The following KDM5C variants were observed in gnomAD, a reference collection of about 807,000 sequenced individuals.
The protein encoded by KDM5C is lysine demethylase 5C.
A neutral mutation model predicts 110.6 loss-of-function variants in KDM5C; 16 were observed. That is an observed-to-expected ratio of 0.14 (90% CI 0.10 to 0.22). KDM5C has a LOEUF of 0.22. Ranked by LOEUF, KDM5C falls within the 10% of genes least tolerant of loss-of-function variation. The probability of loss-of-function intolerance (pLI) is 1.00; values close to 1 mark genes in which losing one functional copy is unlikely to be tolerated. For missense variants in KDM5C, 681 were observed against 1,300.9 expected (o/e 0.52, Z 7.33); for synonymous variants, 511 against 520.4 (o/e 0.98, Z 0.24).
At chrX:53,217,076 T>C in intron 5 of KDM5C, 67 bp downstream of exon 5, 2 of 1,128,355 alleles carry the variant, frequency 1.8e-6, no homozygotes, top group East Asian at 3.2e-5. Context: ...AACACAGCCT[T>C]AGCCAGAAGG....
chrX:53,206,201 C>T (rs1172818736), intron 12 of KDM5C, among the ~76,000 whole-genome samples: 1 of 112,288 alleles, frequency 8.9e-6, no homozygotes, highest in Non-Finnish European at 1.9e-5. Flanking sequence ...CAAAAACATG[C>T]TAAGTGAGAG....
chrX:53,192,110 T>A (rs1383840385), downstream of KDM5C: 2 of 174,541 alleles, frequency 1.1e-5, no homozygotes, highest in Admixed American at 1.6e-4. Context: ...TGACTGGTGA[T>A]GGAAGCACTG....
chrX:53,206,757 G>A (rs959056128), intron 12 of KDM5C, among the ~76,000 whole-genome samples: 11 of 103,008 alleles, frequency 1.1e-4, no homozygotes, highest in Non-Finnish European at 1.8e-4. Flanking sequence ...TCAGCTACTC[G>A]GGAGGCTAAG....
rs1556831620 is a variant in KDM5C, at chrX:53,192,755, G to A, written c.*212C>T. The A allele has an allele frequency of 4.3e-6, 5 of 1,159,130 alleles. No individual in the cohort carries two copies. The highest frequency in any genetic ancestry group is 3.8e-5 in the South Asian group (2 of 52,012). ...ATGCTGGTTAGAGGCTACCAGGGAGGGAAGACTCCAGGGGCCGGCCCCCAG... is the reference window on the plus strand; with the variant it reads ...ATGCTGGTTAGAGGCTACCAGGGAGAGAAGACTCCAGGGGCCGGCCCCCAG... On this transcript the variant is annotated 3_prime_UTR_variant, in exon 26 of 26. Coordinates refer to ENST00000375401, the MANE Select transcript of KDM5C (RefSeq NM_004187.5).
Position 53,201,646 on chromosome X carries a change from T to C in KDM5C, c.1965A>G (p.Pro655=). ...CCGCCAGGTTCAGGTCTAGCTTCTC[T>C]GGGCAGGCAGCCATCTTGCAGATAA... ...EELICKMAAC[P]EKLDLNLAAA... Residue 655 remains proline, a synonymous_variant, in exon 14 of 26, where the codon CCA becomes CCG. Coordinates refer to ENST00000375401, the MANE Select transcript of KDM5C (RefSeq NM_004187.5). The C allele has an allele frequency of 8.2e-7, 1 of 1,212,150 alleles. No individual in the cohort carries two copies. Among genetic ancestry groups the C allele is most frequent in the Non-Finnish European group, 1.1e-6 (1 of 895,545 alleles).
intron 1 of KDM5C, among the ~76,000 whole-genome samples, chrX:53,223,132 G>A (rs115484958): frequency 0.062 from 6,901 of 111,533 alleles, 505 homozygotes; most frequent in African/African-American, 0.22. Flanking sequence ...CCCAAAGCAG[G>A]GTAACAACAC....
Position 53,194,655 on chromosome X carries a change from T to C in KDM5C, c.3522A>G (p.Pro1174=), listed in dbSNP as rs1208462225. Reference sequence around the variant, plus strand: ...AGGAGGCCGTGCTCGATGATGCCAGTGGACTGGGCTTGGCCGAATTGGTGC... The same window carrying C: ...AGGAGGCCGTGCTCGATGATGCCAGCGGACTGGGCTTGGCCGAATTGGTGC... ...LRRTNSAKPS[P]LASSSTASST... Residue 1174 remains proline (P), a synonymous_variant, in exon 23 of 26, where the codon CCA becomes CCG. Coordinates refer to ENST00000375401, the MANE Select transcript of KDM5C (RefSeq NM_004187.5). The C allele has an allele frequency of 7.4e-6, 9 of 1,210,273 alleles. No homozygotes were observed. The highest frequency in any genetic ancestry group is 1.0e-5 in the Non-Finnish European group (9 of 895,174).
rs1328824053 is a variant in KDM5C, at chrX:53,179,758, CA to C, written c.4309-3137del. ...ACCACCACATACCTATTAGTATGGCCAAAATCCAGGACACCGACAATACCAA... is the reference window on the plus strand; with the variant it reads ...ACCACCACATACCTATTAGTATGGCCAAATCCAGGACACCGACAATACCAA... On this transcript the variant is annotated intron_variant, in intron 25 of 25. Transcript: ENST00000685641. Among the ~76,000 whole-genome samples the C allele has an allele frequency of 1.8e-5, 2 of 111,911 alleles. 1 individual carries two copies. Among genetic ancestry groups the C allele is most frequent in the Middle Eastern group, 8.4e-3 (2 of 239 alleles).
chrX:53,187,923 T>C (rs1934274122), downstream of KDM5C, among the ~76,000 whole-genome samples: 2 of 109,439 alleles, frequency 1.8e-5, no homozygotes, highest in East Asian at 5.7e-4. Flanking sequence ...TTTGTATTTT[T>C]AGTAGAGACG....
chrX:53,212,152 T>C, intron 8 of KDM5C, among the ~76,000 whole-genome samples: 1 of 111,722 alleles, frequency 9.0e-6, no homozygotes, highest in Non-Finnish European at 1.9e-5. Context: ...CTTTCTTTCA[T>C]TGGTTCCTCA....
rs782162358 is a variant in KDM5C at position 53,198,721 on chromosome X, T to C, written c.2368+43A>G. ...GGGTCAGAGTACAGAAGAAAGGGAA[T>C]AGAACTTGCCTGTGGAGTCCCTCCA... On this transcript the variant is annotated intron_variant, in intron 16 of 25. Transcript: ENST00000375401. The C allele has an allele frequency of 2.1e-5, 25 of 1,211,449 alleles. No individual in the cohort carries two copies. In the South Asian group the frequency reaches 3.3e-4, roughly 16 times the overall value.
chrX:53,198,653 G>A lies in KDM5C; in HGVS notation c.2369-16C>T. On this transcript the variant is annotated splice_polypyrimidine_tract_variant and intron_variant, in intron 16 of 25. Coordinates refer to ENST00000375401, the MANE Select transcript of KDM5C (RefSeq NM_004187.5). ...TCTTCAAGGCCTGGAAGAAAAATGA[G>A]GGCAGCAAAGAGTAGGCAGTATTGA... The A allele has an allele frequency of 8.3e-7, 1 of 1,211,963 alleles. No homozygotes were observed. Among genetic ancestry groups the A allele is most frequent in the Non-Finnish European group, 1.1e-6 (1 of 895,521 alleles).
intron 25 of KDM5C, among the ~76,000 whole-genome samples, chrX:53,186,309 C>T (rs1556828155): frequency 1.8e-5 from 2 of 111,451 alleles, no homozygotes; most frequent in Non-Finnish European, 3.8e-5. Context: ...GTGGCAATAT[C>T]GTGACAACAG....
intron 20 of KDM5C, 123 bp downstream of exon 20, chrX:53,195,793 G>T: frequency 2.7e-6 from 2 of 737,975 alleles, no homozygotes; most frequent in Non-Finnish European, 4.0e-6. Flanking sequence ...CTGACTACAT[G>T]CCATGCCCCC....
chrX:53,199,181 T>G, intron 14 of KDM5C, 23 bp from the exon 15 acceptor site: 7 of 1,204,148 alleles, frequency 5.8e-6, no homozygotes, highest in Non-Finnish European at 7.9e-6. Flanking sequence ...AACCTATGCG[T>G]TATATATAAC....
At chrX:53,208,499 C>CTTTTT (rs67574134) in intron 12 of KDM5C, among the ~76,000 whole-genome samples, 2 of 48,284 alleles carry the variant, frequency 4.1e-5, no homozygotes, top group African/African-American at 1.4e-4. Context: ...TCAGAGAATC[C>CTTTTT]TTTTTTTTTT....
intron 4 of KDM5C, 101 bp downstream of exon 4, chrX:53,217,695 C>T: frequency 1.1e-6 from 1 of 908,535 alleles, no homozygotes; most frequent in Non-Finnish European, 1.6e-6. Flanking sequence ...CAGAGTCCAA[C>T]TCCCAGGTCT....
Position 53,193,295 on chromosome X carries a change from C to T in KDM5C, c.4355G>A (p.Gly1452Asp). 1 of 1,210,169 alleles carries T rather than the reference C, an allele frequency of 8.3e-7. No individual in the cohort carries two copies. The highest frequency in any genetic ancestry group is 1.1e-6 in the Non-Finnish European group (1 of 895,289). Residue 1452 changes from glycine (G) to aspartate (D), a missense_variant, in exon 26 of 26, where the codon GGC becomes GAC. By Grantham distance (94) the Gly-to-Asp change is moderately conservative. Coordinates refer to ENST00000375401, the MANE Select transcript of KDM5C (RefSeq NM_004187.5). ...KAERHGSRAR[G>D]RALERRRRRK... ...CCGCCGCCGCCTCTCCAGGGCCCGG[C>T]CCCGAGCCCGACTCCCGTGACGCTC...
chrX:53,185,407 G>A (rs1426099610), intron 25 of KDM5C, among the ~76,000 whole-genome samples: 1 of 112,380 alleles, frequency 8.9e-6, no homozygotes, highest in Non-Finnish European at 1.9e-5. Flanking sequence ...ACTTAGAAGA[G>A]GGAAACTCAA....
Sources: gnomAD v4.1 joint callset for allele counts (sites outside exome capture counted in the v4.1 genomes callset) on GRCh38, gnomAD v4.1.1 for gene constraint, MANE v1.5 for transcripts, NCBI Gene and HGNC (gene_info 2026-07-23, HGNC 2026-07-21) for gene names.